LY96: variants seen among roughly 807,000 people sequenced by gnomAD.
LY96 encodes the protein myeloid differentiation protein-2.
LY96 carries 18 observed loss-of-function variants against 18.9 expected under a neutral mutation model. The observed-to-expected ratio is 0.95, with a 90% CI of 0.66 to 1.41. The LOEUF is 1.41. LY96 is among the 40% of genes most tolerant of loss of function. The pLI, the probability that LY96 is intolerant of heterozygous loss-of-function variation, is 0.00. For missense variants in LY96, 175 were observed against 182.4 expected (o/e 0.96, Z 0.23); for synonymous variants, 66 against 62.6 (o/e 1.06, Z -0.26).
intron 1 of LY96, among the ~76,000 whole-genome samples, chr8:74,001,228 A>ATT (rs772619244): frequency 3.8e-4 from 53 of 140,512 alleles, no homozygotes; most frequent in East Asian, 6.2e-4. Flanking sequence ...AAAAAAAAAA[A>ATT]TTTTTTTTTT....
chr8:74,033,500 T>C (rs1817003155), downstream of LY96, among the ~76,000 whole-genome samples: 2 of 152,190 alleles, frequency 1.3e-5, no homozygotes, highest in Admixed American at 1.3e-4. Flanking sequence ...AGGGTCTTGC[T>C]CCCTGACGAA....
At chr8:74,087,185 A>G in the LY96 span, among the ~76,000 whole-genome samples, 1 of 152,196 alleles carries the variant, frequency 6.6e-6, no homozygotes, top group South Asian at 2.1e-4. Context: ...TGACTTGAGA[A>G]ACAGTTTATA....
the LY96 span, among the ~76,000 whole-genome samples, chr8:74,060,080 G>A: frequency 2.0e-5 from 3 of 152,238 alleles, no homozygotes; most frequent in South Asian, 2.1e-4. Context: ...CCAGGAGGCA[G>A]AGGTTGCAGT....
the LY96 span, among the ~76,000 whole-genome samples, chr8:74,036,014 T>A: frequency 6.6e-6 from 1 of 152,212 alleles, no homozygotes; most frequent in Non-Finnish European, 1.5e-5. Flanking sequence ...GGCTGTGTCA[T>A]GGGTGCATCT....
the LY96 span, among the ~76,000 whole-genome samples, chr8:74,078,066 C>A: frequency 6.6e-6 from 1 of 150,470 alleles, no homozygotes; most frequent in East Asian, 2.0e-4. Context: ...AGGGATTGTG[C>A]GACTGCACTC....
chr8:74,094,269 G>T, the LY96 span, among the ~76,000 whole-genome samples: 1 of 151,972 alleles, frequency 6.6e-6, no homozygotes, highest in Non-Finnish European at 1.5e-5. Flanking sequence ...GTGTGTGTGT[G>T]TGTGTCTGTG....
the LY96 span, among the ~76,000 whole-genome samples, chr8:74,063,386 A>T: frequency 1.3e-5 from 2 of 152,228 alleles, no homozygotes; most frequent in Non-Finnish European, 2.9e-5. Flanking sequence ...TTTGAAGGGA[A>T]TATAGACAGA....
intron 3 of LY96, among the ~76,000 whole-genome samples, chr8:74,026,525 C>T (rs889551480): frequency 2.0e-5 from 3 of 152,162 alleles, no homozygotes; most frequent in East Asian, 1.9e-4. Context: ...GCTTGTTCAT[C>T]GTTTATTCAT....
downstream of LY96, chr8:74,029,112 C>A: frequency 9.8e-7 from 1 of 1,021,968 alleles, no homozygotes; most frequent in Non-Finnish European, 1.5e-6. Context: ...TAAGGGTACC[C>A]AGGATTTGTT....
At chr8:74,031,258 T>C (rs79518274), downstream of LY96, among the ~76,000 whole-genome samples, 8 of 152,210 alleles carry the variant, frequency 5.3e-5, no homozygotes, top group African/African-American at 1.9e-4. Context: ...TCTCTTTCTT[T>C]TCTCTTCTGC....
At chr8:74,034,004 C>T (rs1169836958), downstream of LY96, among the ~76,000 whole-genome samples, 1 of 152,006 alleles carries the variant, frequency 6.6e-6, no homozygotes, top group Admixed American at 6.6e-5. Context: ...TTAATTCTTG[C>T]TGCACTTTAT....
the LY96 span, among the ~76,000 whole-genome samples, chr8:74,035,656 G>A: frequency 6.6e-6 from 1 of 152,068 alleles, no homozygotes; most frequent in Non-Finnish European, 1.5e-5. Context: ...ACATTTAACA[G>A]CAACATAGAC....
chr8:74,031,632 C>G (rs931649026), downstream of LY96, among the ~76,000 whole-genome samples: 2 of 123,256 alleles, frequency 1.6e-5, no homozygotes, highest in South Asian at 2.4e-4. Context: ...GAGACTCTGT[C>G]TCAAAAAAAA....
At chr8:74,095,857 C>T in the LY96 span, among the ~76,000 whole-genome samples, 1 of 152,172 alleles carries the variant, frequency 6.6e-6, no homozygotes, top group South Asian at 2.1e-4. Context: ...CACCTCCAGC[C>T]CACACCTGTC....
the LY96 span, among the ~76,000 whole-genome samples, chr8:74,077,317 A>G: frequency 6.6e-6 from 1 of 152,348 alleles, no homozygotes; most frequent in Non-Finnish European, 1.5e-5. Flanking sequence ...ATGAATAACA[A>G]AAGACACTCC....
At chr8:74,084,180 A>C in the LY96 span, among the ~76,000 whole-genome samples, 1 of 152,166 alleles carries the variant, frequency 6.6e-6, no homozygotes, top group Non-Finnish European at 1.5e-5. Flanking sequence ...AGTTAGATGT[A>C]AACATTTAGC....
chr8:74,038,520 G>C, the LY96 span, among the ~76,000 whole-genome samples: 35,932 of 152,156 alleles, frequency 0.24, 4,363 homozygotes, highest in Middle Eastern at 0.35. Flanking sequence ...GCAAATAATA[G>C]GATCTTATTC....
At chr8:74,011,496 C>A (rs540741636) in intron 3 of LY96, among the ~76,000 whole-genome samples, 4 of 152,198 alleles carry the variant, frequency 2.6e-5, no homozygotes, top group African/African-American at 9.6e-5. Flanking sequence ...CAACAGGGGA[C>A]TAATATTCAG....
chr8:74,051,142 T>A, the LY96 span, among the ~76,000 whole-genome samples: 10 of 152,236 alleles, frequency 6.6e-5, no homozygotes, highest in African/African-American at 9.7e-5. Context: ...TTCTCCTGTA[T>A]AAGATTCATT....
Sources: allele counts gnomAD v4.1 joint callset (sites outside exome capture counted in the v4.1 genomes callset), GRCh38; gene constraint gnomAD v4.1.1; transcripts MANE v1.5; gene names NCBI Gene and HGNC (gene_info 2026-07-23, HGNC 2026-07-21).